Variants in MYH14 observed in about 807,000 individuals in gnomAD.
MYH14 encodes the protein myosin-14.
A neutral mutation model predicts 255.5 loss-of-function variants in MYH14; 123 were observed. That is an observed-to-expected ratio of 0.48 (90% confidence interval 0.42 to 0.56). MYH14 has a LOEUF of 0.56. Ranked by LOEUF, MYH14 falls within the 20% of genes least tolerant of loss-of-function variation. MYH14 has a pLI of 0.00. For synonymous variants in MYH14, 1,095 were observed against 1,161.2 expected (o/e 0.94, Z 1.16); for missense variants, 2,423 against 2,802.3 (o/e 0.86, Z 3.06).
chr19:50,268,961 A>C (rs2035196557), intron 24 of MYH14, among the ~76,000 whole-genome samples: 1 of 152,198 alleles, frequency 6.6e-6, no homozygotes, highest in South Asian at 2.1e-4. Context: ...TCAGATGCTA[A>C]ATTTTCATTG....
chr19:50,220,741 C>G (rs1369959363), intron 3 of MYH14, among the ~76,000 whole-genome samples: 3 of 151,894 alleles, frequency 2.0e-5, no homozygotes, highest in African/African-American at 7.3e-5. Flanking sequence ...TTAGTAGAGA[C>G]CAGGTTTCAC....
At chr19:50,228,944 C>T (rs182362533) in intron 8 of MYH14, among the ~76,000 whole-genome samples, 1 of 152,314 alleles carries the variant, frequency 6.6e-6, no homozygotes, top group Non-Finnish European at 1.5e-5. Context: ...CCCCTCGGCA[C>T]TAGCATCAGT....
At chr19:50,292,807 T>C (rs1316321423) in intron 37 of MYH14, among the ~76,000 whole-genome samples, 1 of 136,286 alleles carries the variant, frequency 7.3e-6, no homozygotes, top group Non-Finnish European at 1.6e-5. Context: ...GAGAGAGAGA[T>C]TGAGAAAGAG....
chr19:50,284,464 T>C (rs2035824424), intron 33 of MYH14, among the ~76,000 whole-genome samples: 1 of 151,984 alleles, frequency 6.6e-6, no homozygotes, highest in Admixed American at 6.6e-5. Context: ...CCTCCTGGGG[T>C]CAAGCGATTC....
At chr19:50,249,943 G>A in intron 14 of MYH14, 120 bp downstream of exon 14, 1 of 1,294,050 alleles carries the variant, frequency 7.7e-7, no homozygotes, top group South Asian at 1.4e-5. Flanking sequence ...GGGTTCTGTG[G>A]GGAAGGTGAC....
At chr19:50,225,476 C>A in intron 6 of MYH14, 109 bp from the exon 7 acceptor site, 1 of 763,906 alleles carries the variant, frequency 1.3e-6, no homozygotes. Flanking sequence ...CACACAAAGG[C>A]CCCTCACACA....
chr19:50,228,053 G>A (rs1043618793), intron 8 of MYH14, among the ~76,000 whole-genome samples: 2 of 152,186 alleles, frequency 1.3e-5, no homozygotes, highest in African/African-American at 4.8e-5. Context: ...GGAGGCCAAG[G>A]CCGGTGGATC....
At chr19:50,304,817 G>A (rs1476015483) in intron 40 of MYH14, among the ~76,000 whole-genome samples, 1 of 152,206 alleles carries the variant, frequency 6.6e-6, no homozygotes, top group East Asian at 1.9e-4. Context: ...GAGATGTAGT[G>A]GTTTGGGAAG....
At chr19:50,275,921 C>T in intron 27 of MYH14, 70 bp from the exon 28 acceptor site, 1 of 1,259,420 alleles carries the variant, frequency 7.9e-7, no homozygotes. Context: ...TCCAGCCTCT[C>T]AGTCCCCAGA....
intron 10 of MYH14, among the ~76,000 whole-genome samples, chr19:50,242,395 T>C (rs2033925724): frequency 1.3e-5 from 2 of 152,164 alleles, no homozygotes; most frequent in Non-Finnish European, 2.9e-5. Flanking sequence ...TCCACAATCA[T>C]GGCAGAAGGC....
chr19:50,242,563 C>T (rs930289285), intron 10 of MYH14, among the ~76,000 whole-genome samples: 6 of 152,114 alleles, frequency 3.9e-5, no homozygotes, highest in African/African-American at 1.2e-4. Flanking sequence ...CCACTGGGTC[C>T]CTCGCACAAC....
In MYH14 at chr19:50,290,984, A is replaced by G; in HGVS notation, c.5063A>G (p.Lys1688Arg). ...KKLEGELEEL[K>R]AQMASAGQGK... ...CTGGAGGGAGAGCTGGAGGAGCTGA[A>G]GGCTCAGATGGCCTCTGCCGGCCAG... is the stretch of plus-strand genomic sequence containing the variant. Residue 1688 changes from lysine (K) to arginine (R), a missense_variant, in exon 36 of 43, where the codon AAG (lysine) becomes AGG (arginine). By Grantham distance (26) the Lys-to-Arg change is conservative. Around this residue, in one of 3 missense-constraint regions of MYH14, gnomAD observed 1,513 missense variants for 1,674.8 expected, o/e 0.90. Transcript: ENST00000642316. 6 of 1,610,834 alleles carry G rather than the reference A, an allele frequency of 3.7e-6. No homozygotes were observed. The highest frequency in any genetic ancestry group is 5.1e-6 in the Non-Finnish European group (6 of 1,178,942).
At position 50,262,810 on chromosome 19, in the gene MYH14, G is replaced by A. The variant is rs959011097; in HGVS notation, c.2586-502G>A. On this transcript the variant is annotated intron_variant, in intron 21 of 42. Transcript: ENST00000642316. ...CTTTGGGACTGGGCAGAGAGAGTCG[G>A]GAGCAGGGGGACGAACGGCCAGAAC... is the stretch of plus-strand genomic sequence containing the variant. Among the ~76,000 whole-genome samples, 4 of 152,124 alleles carry A rather than the reference G, an allele frequency of 2.6e-5. 1 individual carries two copies. The highest frequency in any genetic ancestry group is 3.9e-4 in the East Asian group (2 of 5,166).
chr19:50,209,204 G>A (rs1326772694), intron 1 of MYH14, among the ~76,000 whole-genome samples: 1 of 152,166 alleles, frequency 6.6e-6, no homozygotes, highest in Non-Finnish European at 1.5e-5. Context: ...AATTGAAAAT[G>A]TGTTTCCTCA....
rs184079941 is a variant in MYH14 at position 50,261,698 on chromosome 19, C to T, written c.2585+63C>T. The T allele has an allele frequency of 1.6e-4, 235 of 1,475,506 alleles. No homozygotes were observed. The African/African-American group carries it at 2.7e-3, about 17-fold the overall frequency. The allele number at this position is 1,475,506 out of a possible 1,614,324, so 91.4% of individuals were successfully genotyped here. ...GAGACTGGGTCAGGGAGGGGTTGACCAGATGGCTCTAGGTGTCAGGGCCTC... is the reference window on the plus strand; with the variant it reads ...GAGACTGGGTCAGGGAGGGGTTGACTAGATGGCTCTAGGTGTCAGGGCCTC... On this transcript the variant is annotated intron_variant, in intron 21 of 42. Coordinates refer to ENST00000642316, the MANE Select transcript of MYH14 (RefSeq NM_001145809.2).
chr19:50,211,810 C>T (rs1464143971), intron 2 of MYH14, among the ~76,000 whole-genome samples: 2 of 149,962 alleles, frequency 1.3e-5, no homozygotes, highest in African/African-American at 4.9e-5. Context: ...AAAACCCCAT[C>T]CCTGCAAAAA....
intron 10 of MYH14, among the ~76,000 whole-genome samples, chr19:50,234,522 C>T (rs1482760345): frequency 6.6e-6 from 1 of 152,194 alleles, no homozygotes; most frequent in East Asian, 1.9e-4. Flanking sequence ...AGGCTGCAAA[C>T]AGCCGGGCCT....
intron 30 of MYH14, among the ~76,000 whole-genome samples, chr19:50,279,532 C>T (rs371464345): frequency 6.6e-6 from 1 of 152,134 alleles, no homozygotes; most frequent in Non-Finnish European, 1.5e-5. Flanking sequence ...ACTTGGGAGG[C>T]TAAGGCAGGA....
intron 39 of MYH14, among the ~76,000 whole-genome samples, chr19:50,295,078 A>C (rs1335067871): frequency 2.2e-4 from 33 of 150,998 alleles, no homozygotes; most frequent in South Asian, 2.1e-4. Flanking sequence ...GTAATCCCAG[A>C]ACTTTGGGAG....
Sources: allele counts gnomAD v4.1 joint callset (sites outside exome capture counted in the v4.1 genomes callset), GRCh38; gene constraint gnomAD v4.1.1; regional missense constraint gnomAD v4.1.1; transcripts MANE v1.5; gene names NCBI Gene and HGNC (gene_info 2026-07-23, HGNC 2026-07-21).